The following DIAPH1 variants were observed in gnomAD, a reference collection of about 807,000 sequenced individuals.
The protein encoded by DIAPH1 is protein diaphanous homolog 1.
In DIAPH1, 46 loss-of-function variants were observed where a neutral mutation model predicts 140.7. The ratio of observed to expected loss-of-function variants is 0.33; its 90% CI spans 0.26 to 0.42. The LOEUF (loss-of-function observed/expected upper bound fraction) is 0.42. Among genes scored for constraint, DIAPH1 ranks in the 10% least tolerant of loss-of-function variants. The probability of loss-of-function intolerance (pLI) is 1.00; values close to 1 mark genes in which losing one functional copy is unlikely to be tolerated. For synonymous variants in DIAPH1, 565 were observed against 551.6 expected, an observed-to-expected ratio of 1.02 and a Z score of -0.34; for missense variants, 1,310 against 1,558.7, an observed-to-expected ratio of 0.84 and a Z score of 2.69.
chr5:141,517,146 A>G, intron 27 of DIAPH1, 138 bp from the exon 28 acceptor site: 1 of 907,134 alleles, frequency 1.1e-6, no homozygotes, highest in South Asian at 1.4e-5. Context: ...CTTTGAAGAA[A>G]GGGGCAGAGA....
intron 18 of DIAPH1, among the ~76,000 whole-genome samples, chr5:141,538,919 C>G (rs2099889516): frequency 6.6e-6 from 1 of 152,098 alleles, no homozygotes; most frequent in African/African-American, 2.4e-5. Context: ...AAATATTGCT[C>G]TATAGTTTTT....
intron 27 of DIAPH1, among the ~76,000 whole-genome samples, chr5:141,517,863 C>T (rs1466600344): frequency 1.3e-5 from 2 of 152,196 alleles, no homozygotes; most frequent in African/African-American, 4.8e-5. Context: ...TGCTGGGTTT[C>T]ATCCCCAAGA....
At chr5:141,547,507 A>G (rs2099890990) in intron 18 of DIAPH1, among the ~76,000 whole-genome samples, 1 of 152,120 alleles carries the variant, frequency 6.6e-6, no homozygotes, top group Middle Eastern at 3.2e-3. Context: ...TGAATATTCT[A>G]CAACTAAAAA....
intron 1 of DIAPH1, among the ~76,000 whole-genome samples, chr5:141,617,841 G>A (rs971532912): frequency 6.6e-6 from 1 of 152,138 alleles, no homozygotes; most frequent in African/African-American, 2.4e-5. Flanking sequence ...TCCTTCACTC[G>A]GATTGAAAGT....
intron 18 of DIAPH1, among the ~76,000 whole-genome samples, chr5:141,569,422 T>C (rs1332266366): frequency 6.6e-6 from 1 of 152,220 alleles, no homozygotes; most frequent in Admixed American, 6.5e-5. Context: ...GCATTCAAAC[T>C]GAACTGGTTC....
chr5:141,566,914 A>ACAAAACAAAAC (rs142580196), intron 18 of DIAPH1, among the ~76,000 whole-genome samples: 1 of 151,674 alleles, frequency 6.6e-6, no homozygotes, highest in Non-Finnish European at 1.5e-5. Context: ...ACAAAACAAA[A>ACAAAACAAAAC]CAAAACAAAA....
chr5:141,613,777 A>T (rs771156505), intron 1 of DIAPH1, among the ~76,000 whole-genome samples: 75 of 151,932 alleles, frequency 4.9e-4, no homozygotes, highest in Non-Finnish European at 9.9e-4. Flanking sequence ...GAAACGTGTT[A>T]AAAAAAAGGA....
At position 141,574,226 on chromosome 5, in the gene DIAPH1, A is replaced by G; in HGVS notation, c.1642-18T>C. ...TTGGCAACCTACAGAAATAACATCA[A>G]TGTGAGTACTTCTCACCCCACTTCA... is the stretch of plus-strand genomic sequence containing the variant. On this transcript the variant is annotated intron_variant, in intron 15 of 27. Coordinates refer to ENST00000389054, the MANE Select transcript of DIAPH1 (RefSeq NM_005219.5). 2 of 1,613,662 alleles carry G rather than the reference A, an allele frequency of 1.2e-6. No individual in the cohort carries two copies. The highest frequency in any genetic ancestry group is 1.3e-5 in the African/African-American group (1 of 75,010).
intron 18 of DIAPH1, among the ~76,000 whole-genome samples, chr5:141,541,609 C>T (rs556947941): frequency 2.7e-5 from 4 of 150,446 alleles, no homozygotes; most frequent in South Asian, 2.1e-4. Flanking sequence ...CGCTTGAACC[C>T]GGGAGGCGGA....
At chr5:141,549,626 A>G (rs1434736325) in intron 18 of DIAPH1, among the ~76,000 whole-genome samples, 2 of 152,170 alleles carry the variant, frequency 1.3e-5, no homozygotes, top group Non-Finnish European at 2.9e-5. Flanking sequence ...TTTACCATAT[A>G]TGGGTAAAAG....
intron 18 of DIAPH1, among the ~76,000 whole-genome samples, chr5:141,568,013 T>A (rs1265243998): frequency 6.6e-6 from 1 of 152,232 alleles, no homozygotes; most frequent in African/African-American, 2.4e-5. Flanking sequence ...ACAGTTCACA[T>A]AACACACCTC....
chr5:141,584,488 GATTT>G (rs2099897238), intron 3 of DIAPH1, among the ~76,000 whole-genome samples: 1 of 151,984 alleles, frequency 6.6e-6, no homozygotes, highest in African/African-American at 2.4e-5. Flanking sequence ...ATAAATGAAA[GATTT>G]ATTTTGTATT....
intron 18 of DIAPH1, among the ~76,000 whole-genome samples, chr5:141,552,193 GTTTT>G (rs199775030): frequency 7.0e-6 from 1 of 143,424 alleles, no homozygotes; most frequent in Non-Finnish European, 1.5e-5. Context: ...TGTTTTTGTT[GTTTT>G]TTTTTTTTTA....
chr5:141,564,337 G>A (rs2099894053), intron 18 of DIAPH1: 1 of 152,174 alleles, frequency 6.6e-6, no homozygotes, highest in Non-Finnish European at 1.5e-5. Context: ...TCTCTCTAAC[G>A]TGATGACATC....
chr5:141,552,816 A>G (rs1309352849), intron 18 of DIAPH1, among the ~76,000 whole-genome samples: 1 of 152,210 alleles, frequency 6.6e-6, no homozygotes, highest in East Asian at 1.9e-4. Flanking sequence ...ACACAGCAAG[A>G]AGGCAACCAT....
chr5:141,537,075 G>A (rs1371680905), intron 18 of DIAPH1, among the ~76,000 whole-genome samples: 2 of 152,078 alleles, frequency 1.3e-5, no homozygotes, highest in Non-Finnish European at 2.9e-5. Context: ...GGCTGAAGTA[G>A]GAGGATCACT....
At chr5:141,547,444 GAC>G (rs2099890979) in intron 18 of DIAPH1, among the ~76,000 whole-genome samples, 1 of 151,400 alleles carries the variant, frequency 6.6e-6, no homozygotes. Context: ...CAGCCTGGGC[GAC>G]AGAGACTCCG....
Position 141,580,833 on chromosome 5 carries a change from G to A in DIAPH1, c.735C>T (p.Val245=), listed in dbSNP as rs771150697. The change falls in exon 8 of 28, where the codon GTC becomes GTT. Residue 245 remains valine (V), a synonymous_variant. Transcript: ENST00000389054. ...LETEEGILLL[V]RAMDPAVPNM... Reference sequence around the variant, plus strand: ...TGGGAACAGCAGGATCCATGGCTCTGACCAGCAGTAGGATTCCTTCTTCTG... The same window carrying A: ...TGGGAACAGCAGGATCCATGGCTCTAACCAGCAGTAGGATTCCTTCTTCTG... 2.0e-5 allele frequency: 33 copies of A among 1,614,196 alleles called. No individual in the cohort carries two copies. Among genetic ancestry groups the A allele is most frequent in the Non-Finnish European group, 2.8e-5 (33 of 1,180,018 alleles).
At chr5:141,587,284 TAC>T in intron 2 of DIAPH1, 87 bp from the exon 3 acceptor site, 5 of 1,361,962 alleles carry the variant, frequency 3.7e-6, no homozygotes, top group Non-Finnish European at 4.1e-6. Context: ...TTTAACCTCT[TAC>T]ACAGGCATGG....
Sources: allele counts gnomAD v4.1 joint callset (sites outside exome capture counted in the v4.1 genomes callset), GRCh38; gene constraint gnomAD v4.1.1; transcripts MANE v1.5; gene names NCBI Gene and HGNC (gene_info 2026-07-23, HGNC 2026-07-21).